Variants in ZNF385D observed in about 807,000 individuals in gnomAD.
ZNF385D encodes the protein zinc finger protein 385D.
In ZNF385D, 15 loss-of-function variants were observed where a neutral mutation model predicts 35.8. That is an observed-to-expected ratio of 0.42 (90% CI 0.28 to 0.64). ZNF385D has a LOEUF of 0.64. Among genes scored for constraint, ZNF385D ranks in the 30% least tolerant of loss-of-function variants. ZNF385D has a pLI of 0.23. For missense variants in ZNF385D, 474 were observed against 494.6 expected (o/e 0.96, Z 0.39); for synonymous variants, 212 against 186.8 (o/e 1.13, Z -1.10).
intron 3 of ZNF385D, among the ~76,000 whole-genome samples, chr3:21,822,584 C>T (rs1694330231): frequency 6.7e-6 from 1 of 148,610 alleles, no homozygotes; most frequent in African/African-American, 2.5e-5. Context: ...TAGGTATATA[C>T]TACATAGAAA....
intron 4 of ZNF385D, among the ~76,000 whole-genome samples, chr3:21,471,293 TCTCACACACA>T (rs1218168310): frequency 2.2e-3 from 66 of 30,020 alleles, no homozygotes; most frequent in Middle Eastern, 0.018. Flanking sequence ...TCTCTCTCTC[TCTCACACACA>T]CACACACACA....
chr3:22,133,340 C>T (rs569478952), intron 3 of ZNF385D, among the ~76,000 whole-genome samples: 5 of 151,802 alleles, frequency 3.3e-5, no homozygotes, highest in Non-Finnish European at 7.4e-5. Context: ...CAGTAGAATA[C>T]TGAACATAAA....
intron 4 of ZNF385D, among the ~76,000 whole-genome samples, chr3:21,451,422 T>C (rs1037340455): frequency 6.6e-6 from 1 of 152,116 alleles, no homozygotes; most frequent in Non-Finnish European, 1.5e-5. Flanking sequence ...TACGCATCAC[T>C]CAAAATGAGA....
intron 3 of ZNF385D, among the ~76,000 whole-genome samples, chr3:21,886,917 T>C (rs565272050): frequency 2.0e-5 from 3 of 152,150 alleles, no homozygotes; most frequent in African/African-American, 7.2e-5. Context: ...CTTTCATTCA[T>C]ATGGGTCGGC....
chr3:22,046,941 A>C (rs1699039363), intron 3 of ZNF385D, among the ~76,000 whole-genome samples: 1 of 152,162 alleles, frequency 6.6e-6, no homozygotes. Context: ...GATAAGTGGG[A>C]AATATATGTC....
chr3:22,260,048 T>C (rs560910097), intron 2 of ZNF385D, among the ~76,000 whole-genome samples: 2 of 152,044 alleles, frequency 1.3e-5, no homozygotes, highest in East Asian at 3.9e-4. Context: ...ATACTAATAA[T>C]TGAAAACACA....
intron 2 of ZNF385D, among the ~76,000 whole-genome samples, chr3:22,368,744 A>G (rs910145686): frequency 2.0e-5 from 3 of 152,244 alleles, no homozygotes; most frequent in Admixed American, 6.5e-5. Flanking sequence ...TCTAACCCGA[A>G]TCATTTCTCA....
At chr3:21,905,205 C>CAAAAAAAAAAAATAAAAAA (rs1699613454) in intron 3 of ZNF385D, among the ~76,000 whole-genome samples, 1 of 69,730 alleles carries the variant, frequency 1.4e-5, no homozygotes, top group Non-Finnish European at 2.7e-5. Flanking sequence ...ACAAAAAATC[C>CAAAAAAAAAAAATAAAAAA]AAAAAAAAAA....
chr3:21,641,002 A>C (rs3936575), intron 2 of ZNF385D, among the ~76,000 whole-genome samples: 1 of 151,878 alleles, frequency 6.6e-6, no homozygotes, highest in Non-Finnish European at 1.5e-5. Flanking sequence ...TTAGAGTCTA[A>C]ATGCCCTAAG....
chr3:21,769,527 A>G (rs1448671334), intron 3 of ZNF385D, among the ~76,000 whole-genome samples: 1 of 113,044 alleles, frequency 8.8e-6, no homozygotes. Flanking sequence ...TCCAACTTAC[A>G]AGGGATGTGA....
intron 3 of ZNF385D, among the ~76,000 whole-genome samples, chr3:22,123,989 T>TATATATATATGTA (rs1377343508): frequency 2.1e-5 from 3 of 142,074 alleles, no homozygotes; most frequent in Non-Finnish European, 4.6e-5. Context: ...TATATATATA[T>TATATATATATGTA]TGCTGACTGA....
At chr3:22,366,556 AT>A (rs1696665935) in intron 2 of ZNF385D, among the ~76,000 whole-genome samples, 1 of 152,056 alleles carries the variant, frequency 6.6e-6, no homozygotes. Flanking sequence ...CATTTTTTAC[AT>A]TTTACTAATG....
At chr3:21,917,499 C>A (rs17010120) in intron 3 of ZNF385D, among the ~76,000 whole-genome samples, 2 of 151,930 alleles carry the variant, frequency 1.3e-5, no homozygotes, top group South Asian at 4.1e-4. Context: ...AGATGAAGGA[C>A]TTGTATCAAG....
At chr3:21,873,174 T>C (rs1407313426) in intron 3 of ZNF385D, among the ~76,000 whole-genome samples, 1 of 152,282 alleles carries the variant, frequency 6.6e-6, no homozygotes, top group East Asian at 1.9e-4. Context: ...GATAAAGCTA[T>C]GGATTTGATA....
chr3:22,299,700 C>T (rs558105019), intron 2 of ZNF385D, among the ~76,000 whole-genome samples: 2 of 151,606 alleles, frequency 1.3e-5, no homozygotes, highest in African/African-American at 2.4e-5. Context: ...AAAAAGAAAA[C>T]GATCCCATTT....
At chr3:21,980,938 G>A (rs575927294) in intron 3 of ZNF385D, among the ~76,000 whole-genome samples, 3 of 152,052 alleles carry the variant, frequency 2.0e-5, no homozygotes, top group South Asian at 2.1e-4. Context: ...TGGTATATAT[G>A]TACCACATTT....
chr3:21,617,549 A>T (rs2064883585), intron 2 of ZNF385D, among the ~76,000 whole-genome samples: 1 of 152,198 alleles, frequency 6.6e-6, no homozygotes. Context: ...CAACCCCACG[A>T]GAAAGATACT....
chr3:22,031,711 G>T (rs1698014418), intron 3 of ZNF385D, among the ~76,000 whole-genome samples: 2 of 152,004 alleles, frequency 1.3e-5, no homozygotes. Flanking sequence ...ATTAACATTT[G>T]CCTTCTTGTT....
chr3:22,111,946 T>G (rs1332905513), intron 3 of ZNF385D, among the ~76,000 whole-genome samples: 1 of 152,082 alleles, frequency 6.6e-6, no homozygotes, highest in Non-Finnish European at 1.5e-5. Flanking sequence ...TCTACTTCCA[T>G]CAAATGCAGC....
Sources: allele counts gnomAD v4.1 joint callset (sites outside exome capture counted in the v4.1 genomes callset), GRCh38; gene constraint gnomAD v4.1.1; transcripts MANE v1.5; gene names NCBI Gene and HGNC (gene_info 2026-07-23, HGNC 2026-07-21).